The following CFTR variants were observed in gnomAD, a reference collection of about 807,000 sequenced individuals.
The protein encoded by CFTR is cystic fibrosis transmembrane conductance regulator.
Under a neutral mutation model 171.6 loss-of-function variants are expected in CFTR, and 181 were observed. The ratio of observed to expected loss-of-function variants is 1.05; its 90% CI spans 0.93 to 1.19. CFTR has a LOEUF of 1.19. Among genes scored for constraint, CFTR ranks in the 50% most tolerant of loss-of-function variants. The pLI is 0.00. For missense variants in CFTR, 1,968 were observed against 1,734.7 expected (o/e 1.13, Z -2.39); for synonymous variants, 583 against 608.0 (o/e 0.96, Z 0.60).
At chr7:117,595,146 AAT>A in intron 15 of CFTR, 88 bp downstream of exon 15, 1 of 930,620 alleles carries the variant, frequency 1.1e-6, no homozygotes, top group Non-Finnish European at 1.7e-6. Flanking sequence ...CACACACATA[AAT>A]ATGTATATAT....
At chr7:117,609,605 G>A (rs1246158144) in intron 18 of CFTR, among the ~76,000 whole-genome samples, 2 of 152,052 alleles carry the variant, frequency 1.3e-5, no homozygotes, top group African/African-American at 4.8e-5. Flanking sequence ...TGTTAAGCAT[G>A]AGAAAATATG....
chr7:117,562,631 T>G (rs1791532567), intron 11 of CFTR, among the ~76,000 whole-genome samples: 1 of 152,126 alleles, frequency 6.6e-6, no homozygotes, highest in Non-Finnish European at 1.5e-5. Flanking sequence ...CACTGTGTAG[T>G]GAGCATGGTG....
In CFTR at chr7:117,591,927, C is replaced by T. The variant is rs2116029974; in HGVS notation, c.1767-7C>T. On this transcript the variant is annotated splice_region_variant and splice_polypyrimidine_tract_variant and intron_variant, in intron 13 of 26. Coordinates refer to ENST00000003084, the MANE Select transcript of CFTR (RefSeq NM_000492.4). Reference sequence around the variant, plus strand: ...AATTGATATTTATATGTTTTTATATCTTAAAGCTGTGTCTGTAAACTGATG... The same window carrying T: ...AATTGATATTTATATGTTTTTATATTTTAAAGCTGTGTCTGTAAACTGATG... 1 of 1,547,706 alleles carries T rather than the reference C, an allele frequency of 6.5e-7. No individual in the cohort carries two copies. The highest frequency in any genetic ancestry group is 8.8e-7 in the Non-Finnish European group (1 of 1,136,864).
intron 11 of CFTR, chr7:117,564,656 A>G (rs1466913544): frequency 6.0e-6 from 1 of 167,064 alleles, no homozygotes; most frequent in Non-Finnish European, 1.5e-5. Context: ...GTTTCTTAAT[A>G]TATTACATCT....
chr7:117,576,877 CA>C (rs1357812435), intron 11 of CFTR, among the ~76,000 whole-genome samples: 1 of 103,838 alleles, frequency 9.6e-6, no homozygotes, highest in Non-Finnish European at 1.9e-5. Flanking sequence ...AAAATACTTC[CA>C]CTCACTGCTT....
intron 3 of CFTR, among the ~76,000 whole-genome samples, chr7:117,519,101 AC>A (rs1486652155): frequency 6.6e-6 from 1 of 152,110 alleles, no homozygotes; most frequent in East Asian, 1.9e-4. Flanking sequence ...AAATACCAAA[AC>A]TAAAGCATTT....
At chr7:117,617,106 G>C (rs771295051) in intron 21 of CFTR, among the ~76,000 whole-genome samples, 1 of 152,130 alleles carries the variant, frequency 6.6e-6, no homozygotes, top group Non-Finnish European at 1.5e-5. Flanking sequence ...TGAGTTTAGA[G>C]TTGAGTTTAC....
chr7:117,587,111 C>T (rs1191454729), intron 11 of CFTR, among the ~76,000 whole-genome samples: 1 of 151,930 alleles, frequency 6.6e-6, no homozygotes, highest in Non-Finnish European at 1.5e-5. Context: ...ATATTCATTA[C>T]CTGGGAGAAA....
In CFTR at chr7:117,561,484, C is replaced by A. The variant is rs185875365; in HGVS notation, c.1584+1829C>A. On this transcript the variant is annotated intron_variant, in intron 11 of 26. Transcript: ENST00000003084. ...CGTTCCTTTGTAGCTAAGTCTCCCC[C>A]ATTCCAGCTTTAAACAATCACCCAT... 2.6e-5 allele frequency among the ~76,000 whole-genome samples: 4 copies of A among 152,212 alleles called. No homozygotes were observed. In the East Asian group the frequency reaches 7.7e-4, roughly 29 times the overall value.
intron 1 of CFTR, among the ~76,000 whole-genome samples, chr7:117,493,460 T>G (rs1798192806): frequency 6.6e-6 from 1 of 152,146 alleles, no homozygotes; most frequent in African/African-American, 2.4e-5. Context: ...TTGTTGTCTA[T>G]GTTCTCTGCC....
chr7:117,539,436 T>C (rs1477522729), intron 7 of CFTR, among the ~76,000 whole-genome samples: 1 of 152,074 alleles, frequency 6.6e-6, no homozygotes, highest in Non-Finnish European at 1.5e-5. Flanking sequence ...TTTTTTTGTT[T>C]CAAACGCAAA....
At chr7:117,488,286 T>A (rs1458970165) in intron 1 of CFTR, among the ~76,000 whole-genome samples, 1 of 152,156 alleles carries the variant, frequency 6.6e-6, no homozygotes, top group Non-Finnish European at 1.5e-5. Context: ...TATTGCAATA[T>A]GCTTTAAAAG....
chr7:117,502,752 A>G (rs1798352582), intron 1 of CFTR, among the ~76,000 whole-genome samples: 1 of 152,256 alleles, frequency 6.6e-6, no homozygotes, highest in South Asian at 2.1e-4. Context: ...CAAATGAATC[A>G]GACTGGGCAA....
intron 11 of CFTR, among the ~76,000 whole-genome samples, chr7:117,575,676 A>G (rs936161373): frequency 7.2e-5 from 11 of 152,076 alleles, no homozygotes; most frequent in South Asian, 2.1e-4. Context: ...TCAGTGTTCT[A>G]ACATCTTCCA....
chr7:117,573,967 T>C (rs1791733018), intron 11 of CFTR, among the ~76,000 whole-genome samples: 1 of 152,096 alleles, frequency 6.6e-6, no homozygotes, highest in Non-Finnish European at 1.5e-5. Context: ...AATTTGTCCC[T>C]GTGTGTAAGG....
At chr7:117,591,876 G>T (rs140866245) in intron 13 of CFTR, 58 bp from the exon 14 acceptor site, 6 of 1,075,736 alleles carry the variant, frequency 5.6e-6, no homozygotes, top group South Asian at 1.6e-5. Flanking sequence ...TAAAATACGA[G>T]ACATATTGCA....
chr7:117,665,366 A>G (rs1793356283), intron 25 of CFTR, 93 bp from the exon 26 acceptor site: 2 of 772,500 alleles, frequency 2.6e-6, no homozygotes, highest in Non-Finnish European at 4.4e-6. Flanking sequence ...TAAGTAATTT[A>G]AAGAGATAAT....
intron 11 of CFTR, among the ~76,000 whole-genome samples, chr7:117,587,407 A>T (rs1791952974): frequency 8.2e-6 from 1 of 122,486 alleles, no homozygotes; most frequent in East Asian, 2.4e-4. Flanking sequence ...ATAACATTTG[A>T]ATTTGTAAAA....
intron 11 of CFTR, among the ~76,000 whole-genome samples, chr7:117,569,731 T>C (rs1402251968): frequency 1.3e-5 from 2 of 152,070 alleles, no homozygotes; most frequent in Non-Finnish European, 2.9e-5. Flanking sequence ...TGGGGACCCT[T>C]TTCTAGAGTA....
Sources: gnomAD v4.1 joint callset for allele counts (sites outside exome capture counted in the v4.1 genomes callset) on GRCh38, gnomAD v4.1.1 for gene constraint, MANE v1.5 for transcripts, NCBI Gene and HGNC (gene_info 2026-07-23, HGNC 2026-07-21) for gene names.